SPTA1: variants seen among roughly 807,000 people sequenced by gnomAD.
SPTA1 encodes spectrin alpha, erythrocytic 1.
Under a neutral mutation model 324.7 loss-of-function variants are expected in SPTA1, and 177 were observed. The ratio of observed to expected loss-of-function variants is 0.55; its 90% CI spans 0.48 to 0.62. SPTA1 has a LOEUF of 0.62. Among genes scored for constraint, SPTA1 ranks in the 20% least tolerant of loss-of-function variants. The probability of loss-of-function intolerance (pLI) is 0.00; values close to 1 mark genes in which losing one functional copy is unlikely to be tolerated. For synonymous variants in SPTA1, 1,195 were observed against 1,041.3 expected (o/e 1.15, Z -2.84); for missense variants, 3,162 against 2,883.6 (o/e 1.10, Z -2.21).
Position 158,671,414 on chromosome 1 carries a change from T to C in SPTA1, c.1528A>G (p.Ser510Gly). 6.2e-7 allele frequency: 1 copy of C among 1,613,284 alleles called. No individual in the cohort carries two copies. The highest frequency in any genetic ancestry group is 8.5e-7 in the Non-Finnish European group (1 of 1,179,908). ...ENEDLGNSLGSAEALLQKHED... is the reference protein window; with the variant it reads ...ENEDLGNSLGGAEALLQKHED... ...TGCTTCTGAAGAAGGGCTTCTGCAC[T>C]GCCCAGTGAGTTTCCCAGATCCTCG... is the stretch of plus-strand genomic sequence containing the variant. Residue 510 changes from serine (S) to glycine (G), a missense_variant, in exon 12 of 52, where the codon AGT becomes GGT. Ser to Gly is a moderately conservative substitution (Grantham distance 56). Coordinates refer to ENST00000643759, the MANE Select transcript of SPTA1 (RefSeq NM_003126.4).
At chr1:158,681,388 C>G in intron 4 of SPTA1, 139 bp downstream of exon 4, 5 of 1,400,944 alleles carry the variant, frequency 3.6e-6, no homozygotes, top group Non-Finnish European at 5.1e-6. Context: ...ATTTTGGCCC[C>G]AATTTCCTCT....
At chr1:158,676,911 T>C (rs1443001254) in intron 7 of SPTA1, among the ~76,000 whole-genome samples, 2 of 152,126 alleles carry the variant, frequency 1.3e-5, no homozygotes, top group African/African-American at 4.8e-5. Flanking sequence ...TGTCAACTTA[T>C]GGGTTTTATT....
intron 2 of SPTA1, 112 bp from the exon 3 acceptor site, chr1:158,683,608 G>T: frequency 7.2e-7 from 1 of 1,384,380 alleles, no homozygotes; most frequent in Non-Finnish European, 1.0e-6. Context: ...AGACTCAGAG[G>T]CCATAAAGAG....
chr1:158,677,722 G>T lies in SPTA1; in HGVS notation c.925C>A (p.Leu309Ile). The change falls in exon 7 of 52, where the codon CTT (leucine) becomes ATT (isoleucine). Residue 309 changes from leucine (L) to isoleucine (I), a missense_variant. Physicochemically the swap from Leu to Ile is conservative, Grantham distance 5. Transcript: ENST00000643759. Reference sequence around the variant, plus strand: ...CTCATGACAGCAAGATTTCTCTCAAGTCCCTTGTGACTGTGAAACAGTCCT... The same window carrying T: ...CTCATGACAGCAAGATTTCTCTCAATTCCCTTGTGACTGTGAAACAGTCCT... ...SEGLFHSHKG[L>I]ERNLAVMSDK... The T allele has an allele frequency of 6.2e-7, 1 of 1,613,558 alleles. No individual in the cohort carries two copies. The highest frequency in any genetic ancestry group is 8.5e-7 in the Non-Finnish European group (1 of 1,179,722).
At chr1:158,671,206 A>G in intron 12 of SPTA1, 137 bp downstream of exon 12, 1 of 694,592 alleles carries the variant, frequency 1.4e-6, no homozygotes, top group Middle Eastern at 3.4e-4. Context: ...CAACGAAAGA[A>G]GAGATGCAAC....
At chr1:158,671,557 G>A (rs1472329854) in intron 11 of SPTA1, 104 bp from the exon 12 acceptor site, 1 of 872,384 alleles carries the variant, frequency 1.1e-6, no homozygotes, top group African/African-American at 1.7e-5. Flanking sequence ...GAACAAGGTG[G>A]GAATTAGCAC....
At chr1:158,643,649 C>T (rs1358571036) in intron 30 of SPTA1, among the ~76,000 whole-genome samples, 2 of 152,268 alleles carry the variant, frequency 1.3e-5, no homozygotes, top group Non-Finnish European at 2.9e-5. Flanking sequence ...AAAGAACAGA[C>T]ACTTCTCATG....
rs200868381 is a variant in SPTA1, at chr1:158,613,861, A to T, written c.6849T>A (p.Phe2283Leu). The T allele has an allele frequency of 1.2e-6, 2 of 1,613,682 alleles. No individual in the cohort carries two copies. Among genetic ancestry groups the T allele is most frequent in the African/African-American group, 2.7e-5 (2 of 74,880 alleles). ...LKEFSTIYKH[F>L]DENLTGRLTH... ...TCAGGCGCCCTGTCAAATTCTCATCAAAGTGTCTAAAGGATAAAAAAAGAA... is the reference window on the plus strand; with the variant it reads ...TCAGGCGCCCTGTCAAATTCTCATCTAAGTGTCTAAAGGATAAAAAAAGAA... The change falls in exon 50 of 52, where the codon TTT becomes TTA. Residue 2283 changes from phenylalanine (F) to leucine (L), a missense_variant. Coordinates refer to ENST00000643759, the MANE Select transcript of SPTA1 (RefSeq NM_003126.4).
In SPTA1 at chr1:158,669,401, T is replaced by G; in HGVS notation, c.1833+7A>C. The G allele has an allele frequency of 6.2e-7, 1 of 1,614,130 alleles. No individual in the cohort carries two copies. Among genetic ancestry groups the G allele is most frequent in the African/African-American group, 1.3e-5 (1 of 75,048 alleles). ...AACTACATCCAGCTCCTGAAAACTCTGCCTACCTTGTAATCTTCATCATCT... is the reference window on the plus strand; with the variant it reads ...AACTACATCCAGCTCCTGAAAACTCGGCCTACCTTGTAATCTTCATCATCT... On this transcript the variant is annotated splice_region_variant and intron_variant, in intron 14 of 51. Transcript: ENST00000643759.
In SPTA1 at chr1:158,611,406, G is replaced by T. The variant is rs771711044; in HGVS notation, c.7135-17C>A. 6.2e-7 allele frequency: 1 copy of T among 1,612,998 alleles called. No individual in the cohort carries two copies. The highest frequency in any genetic ancestry group is 8.5e-7 in the Non-Finnish European group (1 of 1,179,302). On this transcript the variant is annotated splice_polypyrimidine_tract_variant and intron_variant, in intron 51 of 51. Coordinates refer to ENST00000643759, the MANE Select transcript of SPTA1 (RefSeq NM_003126.4). ...GGTAAGGGCCTGAAAAGTATAAAAAGAGAAAAATACAGTTATAGGGATTCA... is the reference window on the plus strand; with the variant it reads ...GGTAAGGGCCTGAAAAGTATAAAAATAGAAAAATACAGTTATAGGGATTCA...
intron 45 of SPTA1, 89 bp downstream of exon 45, chr1:158,619,133 T>C: frequency 1.6e-6 from 2 of 1,231,864 alleles, no homozygotes; most frequent in East Asian, 2.3e-5. Context: ...GCTCTCAGAG[T>C]CTCTCCTCTT....
chr1:158,619,213 A>C lies in SPTA1; in HGVS notation c.6530+9T>G, dbSNP rs759343853. 5 of 1,613,080 alleles carry C rather than the reference A, an allele frequency of 3.1e-6. No individual in the cohort carries two copies. Among genetic ancestry groups the C allele is most frequent in the Non-Finnish European group, 4.2e-6 (5 of 1,179,044 alleles). Reference sequence around the variant, plus strand: ...CAGGGGTCATGGTTTGGGATGTAGCATAGCACACCTGGTTTCCAGGATCCA... The same window carrying C: ...CAGGGGTCATGGTTTGGGATGTAGCCTAGCACACCTGGTTTCCAGGATCCA... On this transcript the variant is annotated intron_variant, in intron 45 of 51. Transcript: ENST00000643759.
intron 3 of SPTA1, among the ~76,000 whole-genome samples, chr1:158,682,794 A>T (rs1158461867): frequency 6.6e-6 from 1 of 152,154 alleles, no homozygotes; most frequent in Non-Finnish European, 1.5e-5. Flanking sequence ...ACAGAGTATG[A>T]ATCCTTATTG....
chr1:158,665,146 C>T (rs967054000), intron 16 of SPTA1, among the ~76,000 whole-genome samples: 2 of 152,138 alleles, frequency 1.3e-5, no homozygotes, highest in African/African-American at 2.4e-5. Context: ...TTCTTAAGCT[C>T]TTACATGTAA....
rs764879126 is a variant in SPTA1, at chr1:158,662,770, C to T, written c.2396G>A (p.Cys799Tyr). 5.6e-6 allele frequency: 9 copies of T among 1,614,054 alleles called. No homozygotes were observed. The highest frequency in any genetic ancestry group is 1.3e-5 in the African/African-American group (1 of 75,026). The change falls in exon 17 of 52, where the codon TGT becomes TAT. Residue 799 changes from cysteine to tyrosine, a missense_variant. Coordinates refer to ENST00000643759, the MANE Select transcript of SPTA1 (RefSeq NM_003126.4). The stretch of plus-strand genomic sequence containing the variant: ...GGCCTCCTCATCCTCTGTGTCTCTA[C>T]AAATCAGCTGCAGATGGAGAAGGTC... ...LLDLLHLQLICRDTEDEEAWI... is the reference protein window; with the variant it reads ...LLDLLHLQLIYRDTEDEEAWI...
chr1:158,652,867 A>C (rs570351464), intron 22 of SPTA1, among the ~76,000 whole-genome samples: 188 of 152,370 alleles, frequency 1.2e-3, no homozygotes, highest in African/African-American at 4.3e-3. Flanking sequence ...AAAAATAGTA[A>C]AAATGCCAGT....
chr1:158,625,247 A>C (rs1278561082), intron 42 of SPTA1, among the ~76,000 whole-genome samples: 1 of 152,232 alleles, frequency 6.6e-6, no homozygotes, highest in Non-Finnish European at 1.5e-5. Context: ...GTATCTGAAA[A>C]AGTACACTTT....
intron 8 of SPTA1, among the ~76,000 whole-genome samples, chr1:158,675,510 T>C (rs572959475): frequency 3.1e-4 from 47 of 152,234 alleles, no homozygotes; most frequent in African/African-American, 8.2e-4. Flanking sequence ...GGGAGATACA[T>C]TTCAATATGC....
intron 47 of SPTA1, among the ~76,000 whole-genome samples, chr1:158,616,850 G>A (rs758923457): frequency 2.0e-5 from 3 of 151,990 alleles, no homozygotes; most frequent in Non-Finnish European, 4.4e-5. Flanking sequence ...GGTTTCCATA[G>A]TGGCTGTACT....
Sources: gnomAD v4.1 joint callset for allele counts (sites outside exome capture counted in the v4.1 genomes callset) on GRCh38, gnomAD v4.1.1 for gene constraint, MANE v1.5 for transcripts, NCBI Gene and HGNC (gene_info 2026-07-23, HGNC 2026-07-21) for gene names.